NCOA1: variants seen among roughly 807,000 people sequenced by gnomAD.
The protein encoded by NCOA1 is nuclear receptor coactivator 1, also known as Hin-2 protein.
NCOA1 carries 35 observed loss-of-function variants against 150.9 expected under a neutral mutation model. The ratio of observed to expected loss-of-function variants is 0.23; its 90% confidence interval spans 0.18 to 0.31. The LOEUF (loss-of-function observed/expected upper bound fraction) is 0.31. Ranked by LOEUF, NCOA1 falls within the 10% of genes least tolerant of loss-of-function variation. NCOA1 has a pLI of 1.00. For synonymous variants in NCOA1, 590 were observed against 630.0 expected, an observed-to-expected ratio of 0.94 and a Z score of 0.95; for missense variants, 1,491 against 1,749.3, an observed-to-expected ratio of 0.85 and a Z score of 2.63.
intron 1 of NCOA1, among the ~76,000 whole-genome samples, chr2:24,496,859 T>C (rs1320770940): frequency 6.6e-6 from 1 of 152,210 alleles, no homozygotes; most frequent in Non-Finnish European, 1.5e-5. Context: ...TTTTGAGTAA[T>C]GTGTAAGCTA....
Position 24,697,788 on chromosome 2 carries a change from G to A in NCOA1, c.939G>A (p.Leu313=). The A allele has an allele frequency of 1.2e-6, 2 of 1,612,536 alleles. No individual in the cohort carries two copies. The highest frequency in any genetic ancestry group is 2.2e-5 in the South Asian group (2 of 90,766). ...GAGAACCATCTTATGCCAGACAGCT[G>A]TTCCAAGAAGGTAAAATTTTCTCTC... is the stretch of plus-strand genomic sequence containing the variant. ...QGREPSYARQ[L]FQEVMTRGTA... is the part of the protein sequence containing the mutation. The change falls in exon 11 of 23, where the codon CTG becomes CTA. Residue 313 remains leucine, a synonymous_variant. Transcript: ENST00000348332.
chr2:24,719,595 A>G (rs912391408), intron 14 of NCOA1, among the ~76,000 whole-genome samples: 1 of 152,274 alleles, frequency 6.6e-6, no homozygotes, highest in East Asian at 1.9e-4. Flanking sequence ...TGATATATTC[A>G]CCTTTTCTAG....
chr2:24,738,369 A>G (rs1169162865), intron 17 of NCOA1, among the ~76,000 whole-genome samples: 1 of 152,046 alleles, frequency 6.6e-6, no homozygotes, highest in Non-Finnish European at 1.5e-5. Context: ...CTTCCGGAAT[A>G]GTTTATTCAT....
At chr2:24,567,280 G>A (rs982022944) in intron 2 of NCOA1, among the ~76,000 whole-genome samples, 6 of 152,152 alleles carry the variant, frequency 3.9e-5, no homozygotes, top group Admixed American at 1.3e-4. Flanking sequence ...TCTTGTTGGC[G>A]TTTGAACTCA....
At chr2:24,715,802 G>A (rs1025992850) in intron 14 of NCOA1, among the ~76,000 whole-genome samples, 3 of 152,134 alleles carry the variant, frequency 2.0e-5, no homozygotes, top group East Asian at 3.9e-4. Flanking sequence ...CAAGATATCA[G>A]TTATTCCAAA....
intron 3 of NCOA1, among the ~76,000 whole-genome samples, chr2:24,615,376 C>T (rs979055313): frequency 6.6e-6 from 1 of 152,104 alleles, no homozygotes; most frequent in African/African-American, 2.4e-5. Context: ...AGGAGGATAA[C>T]TATTTTTACT....
intron 3 of NCOA1, among the ~76,000 whole-genome samples, chr2:24,602,608 G>C (rs1668174037): frequency 6.6e-6 from 1 of 151,626 alleles, no homozygotes; most frequent in African/African-American, 2.4e-5. Context: ...ATATATTTTG[G>C]CTAATAAATA....
chr2:24,535,815 A>G (rs150693732), intron 1 of NCOA1, among the ~76,000 whole-genome samples: 6,186 of 152,266 alleles, frequency 0.041, 145 homozygotes, highest in East Asian at 0.11. Flanking sequence ...CTGACAAGAG[A>G]TCCGCTGTTA....
chr2:24,517,631 G>C (rs909493999), intron 1 of NCOA1, among the ~76,000 whole-genome samples: 4 of 152,132 alleles, frequency 2.6e-5, no homozygotes, highest in Non-Finnish European at 5.9e-5. Flanking sequence ...ATTAGAACTA[G>C]AATATTGGAA....
At chr2:24,701,081 G>A (rs1462394628) in intron 11 of NCOA1, among the ~76,000 whole-genome samples, 1 of 152,088 alleles carries the variant, frequency 6.6e-6, no homozygotes, top group African/African-American at 2.4e-5. Context: ...CAGTTAGATA[G>A]TAGTCATGGG....
chr2:24,561,414 G>A (rs888630910), intron 1 of NCOA1, among the ~76,000 whole-genome samples: 2 of 152,136 alleles, frequency 1.3e-5, no homozygotes, highest in African/African-American at 2.4e-5. Flanking sequence ...TCTTCAGAGC[G>A]ATAAAAAATG....
At chr2:24,710,512 A>G (rs540786559) in intron 13 of NCOA1, among the ~76,000 whole-genome samples, 1 of 152,366 alleles carries the variant, frequency 6.6e-6, no homozygotes, top group Non-Finnish European at 1.5e-5. Context: ...TTTAAATTAT[A>G]AAATAGTTGA....
intron 2 of NCOA1, among the ~76,000 whole-genome samples, chr2:24,574,246 T>G (rs1427372890): frequency 1.3e-5 from 2 of 152,112 alleles, no homozygotes; most frequent in Non-Finnish European, 2.9e-5. Context: ...AAATGAATTA[T>G]GGAACACCCA....
Position 24,769,712 on chromosome 2 carries a change from C to T in NCOA1, c.*1321C>T. 9.1e-6 allele frequency: 2 copies of T among 219,950 alleles called. No individual in the cohort carries two copies. The highest frequency in any genetic ancestry group is 4.5e-5 in the African/African-American group (2 of 44,692). 13.6% of individuals were successfully genotyped at this position (219,950 alleles called of 1,614,324 possible). A position where few individuals can be genotyped will look rare whatever the true frequency, so the allele number is the denominator to read the frequency against. ...TTTCCCTTTGTGTCTTGTGACTCTG[C>T]CACATCCCATCTCATCCTGGCCTCT... On this transcript the variant is annotated 3_prime_UTR_variant, in exon 23 of 23. Transcript: ENST00000348332.
intron 14 of NCOA1, among the ~76,000 whole-genome samples, chr2:24,718,793 C>G (rs189339645): frequency 6.7e-6 from 1 of 150,130 alleles, no homozygotes; most frequent in Non-Finnish European, 1.5e-5. Flanking sequence ...GGCCTGAACC[C>G]GGGAGGCAGA....
intron 19 of NCOA1, among the ~76,000 whole-genome samples, chr2:24,745,417 CTCCCA>C (rs1489709860): frequency 6.6e-6 from 1 of 152,104 alleles, no homozygotes; most frequent in Non-Finnish European, 1.5e-5. Flanking sequence ...CCACCTCGGC[CTCCCA>C]AAGTGCTGGG....
chr2:24,737,071 C>G (rs1383137395), intron 17 of NCOA1, among the ~76,000 whole-genome samples: 2 of 152,154 alleles, frequency 1.3e-5, no homozygotes, highest in African/African-American at 2.4e-5. Flanking sequence ...CTACAACAAG[C>G]CTTTTAACCT....
intron 3 of NCOA1, among the ~76,000 whole-genome samples, chr2:24,601,872 G>A (rs147027622): frequency 1.6e-3 from 249 of 152,138 alleles, no homozygotes; most frequent in African/African-American, 5.7e-3. Flanking sequence ...CTGAGCTCAG[G>A]CAGTCCACCT....
intron 6 of NCOA1, among the ~76,000 whole-genome samples, chr2:24,669,974 CA>C (rs1671609809): frequency 1.3e-5 from 2 of 151,982 alleles, no homozygotes; most frequent in African/African-American, 2.4e-5. Context: ...CCTCTGTCTA[CA>C]AAAAAATAAA....
Sources: allele counts gnomAD v4.1 joint callset (sites outside exome capture counted in the v4.1 genomes callset), GRCh38; gene constraint gnomAD v4.1.1; transcripts MANE v1.5; gene names NCBI Gene and HGNC (gene_info 2026-07-23, HGNC 2026-07-21).